AGAP1: variants seen among roughly 807,000 people sequenced by gnomAD.
AGAP1 encodes the protein arf-GAP with GTPase, ANK repeat and PH domain-containing protein 1.
A neutral mutation model predicts 105.3 loss-of-function variants in AGAP1; 29 were observed. The observed-to-expected ratio is 0.28, with a 90% confidence interval of 0.21 to 0.38. The LOEUF is 0.38. AGAP1 is among the 10% of genes least tolerant of loss of function. The pLI is 1.00. For synonymous variants in AGAP1, 509 were observed against 485.9 expected (o/e 1.05, Z -0.63); for missense variants, 998 against 1,165.1 (o/e 0.86, Z 2.09).
chr2:235,780,656 G>T (rs1956207059), intron 6 of AGAP1, among the ~76,000 whole-genome samples: 1 of 152,238 alleles, frequency 6.6e-6, no homozygotes, highest in African/African-American at 2.4e-5. Context: ...TGATTGATAG[G>T]ATTACTGCCT....
In AGAP1 at chr2:235,919,574, A is replaced by T. The variant is rs374666142; in HGVS notation, c.1324+10668A>T. On this transcript the variant is annotated intron_variant, in intron 11 of 17. Transcript: ENST00000304032. The surrounding 1 kb of genome is among the most constrained non-coding windows in gnomAD (Gnocchi z 4.1). ...TGTAAGAACTGGAAAGCAGAGAAAGAAGTAGTAGTGAATACTTCTCAGGAT... is the reference window on the plus strand; with the variant it reads ...TGTAAGAACTGGAAAGCAGAGAAAGTAGTAGTAGTGAATACTTCTCAGGAT... 2.0e-4 allele frequency among the ~76,000 whole-genome samples: 31 copies of T among 152,122 alleles called. No homozygotes were observed. The highest frequency in any genetic ancestry group is 7.0e-4 in the African/African-American group (29 of 41,422).
In AGAP1 at chr2:235,723,227, A is replaced by G. The variant is rs575670694; in HGVS notation, c.310+5583A>G. ...ATTAGTTATTTGCCAATTGAGCCCTATTAATGGCTGCTGATTAGAATCGTG... is the reference window on the plus strand; with the variant it reads ...ATTAGTTATTTGCCAATTGAGCCCTGTTAATGGCTGCTGATTAGAATCGTG... On this transcript the variant is annotated intron_variant, in intron 3 of 17. Coordinates refer to ENST00000304032, the MANE Select transcript of AGAP1 (RefSeq NM_001037131.3). The surrounding 1 kb of genome is among the most constrained non-coding windows in gnomAD (Gnocchi z 6.2). Among the ~76,000 whole-genome samples, 41 of 152,360 alleles carry G rather than the reference A, an allele frequency of 2.7e-4. No homozygotes were observed. Among genetic ancestry groups the G allele is most frequent in the African/African-American group, 9.1e-4 (38 of 41,594 alleles).
chr2:236,026,331 C>T (rs904133858), intron 13 of AGAP1, among the ~76,000 whole-genome samples: 10 of 152,322 alleles, frequency 6.6e-5, no homozygotes, highest in East Asian at 3.9e-4. Flanking sequence ...GCCAGACACC[C>T]GGCAGGTGGC....
chr2:235,681,078 G>A (rs976276863), intron 1 of AGAP1, among the ~76,000 whole-genome samples: 2 of 151,858 alleles, frequency 1.3e-5, no homozygotes, highest in South Asian at 2.1e-4. Context: ...GCGCCATCTC[G>A]GCTCACTGCA....
rs1952583678 is a variant in AGAP1, at chr2:235,741,521, C to T, written c.396+473C>T. 6.6e-6 allele frequency among the ~76,000 whole-genome samples: 1 copy of T among 152,166 alleles called. No individual in the cohort carries two copies. Among genetic ancestry groups the T allele is most frequent in the Non-Finnish European group, 1.5e-5 (1 of 68,030 alleles). ...TGTGCCGCCCTGGCCTTGGCCCAAG[C>T]AAGGCAGTCTCCACCGAAAGCCGGT... On this transcript the variant is annotated intron_variant, in intron 4 of 17. Transcript: ENST00000304032. This position sits in a 1 kb window ranked among gnomAD's most constrained non-coding sequence, Gnocchi z 4.9.
Position 235,590,715 on chromosome 2 carries a change from A to ATTT in AGAP1, c.163+95887_163+95889dup, listed in dbSNP as rs67076321. Among the ~76,000 whole-genome samples the ATTT allele has an allele frequency of 1.2e-3, 63 of 53,696 alleles. 5 individuals are homozygous for ATTT. Among genetic ancestry groups the ATTT allele is most frequent in the East Asian group, 0.01 (17 of 1,700 alleles). 35.2% of individuals were successfully genotyped at this position (53,696 alleles called of 152,430 possible). A position where few individuals can be genotyped will look rare whatever the true frequency, so the allele number is the denominator to read the frequency against. On this transcript the variant is annotated intron_variant, in intron 1 of 17. Transcript: ENST00000304032. ...TGCGTGTGTGTGTGTGTGTGTGTGC[A>ATTT]TTTTTTTTTTTTTTTTTTTTTTTGA... is the stretch of plus-strand genomic sequence containing the variant.
intron 9 of AGAP1, among the ~76,000 whole-genome samples, chr2:235,863,611 G>A (rs1250135465): frequency 6.6e-6 from 1 of 152,212 alleles, no homozygotes; most frequent in African/African-American, 2.4e-5. Flanking sequence ...TGGGGTTAGG[G>A]AGGCAGTGTG....
chr2:235,995,276 G>A (rs1388755298), intron 13 of AGAP1, among the ~76,000 whole-genome samples: 1 of 151,788 alleles, frequency 6.6e-6, no homozygotes, highest in Non-Finnish European at 1.5e-5. Flanking sequence ...ACACTTTGGG[G>A]AGCCGAGGTG....
In AGAP1 at chr2:235,552,980, A is replaced by G. The variant is rs1168403562; in HGVS notation, c.163+58131A>G. Among the ~76,000 whole-genome samples the G allele has an allele frequency of 6.6e-6, 1 of 152,182 alleles. No individual in the cohort carries two copies. Among genetic ancestry groups the G allele is most frequent in the Non-Finnish European group, 1.5e-5 (1 of 68,026 alleles). On this transcript the variant is annotated intron_variant, in intron 1 of 17. Transcript: ENST00000304032. The surrounding 1 kb of genome is among the most constrained non-coding windows in gnomAD (Gnocchi z 5.9). The stretch of plus-strand genomic sequence containing the variant: ...ATCTGATTGTGTGTGTGACACAGTG[A>G]AGGGTATGGGGACAGCCACATCTGG...
Position 235,689,722 on chromosome 2 carries a change from T to C in AGAP1, c.164-19457T>C, listed in dbSNP as rs1247221900. On this transcript the variant is annotated intron_variant, in intron 1 of 17. Transcript: ENST00000304032. The surrounding 1 kb of genome is among the most constrained non-coding windows in gnomAD (Gnocchi z 4.2). Reference sequence around the variant, plus strand: ...AGAGTTCCACTTTTCAGGACAGTCATAGAGCTGCACTGTTGGTAAACTGTC... The same window carrying C: ...AGAGTTCCACTTTTCAGGACAGTCACAGAGCTGCACTGTTGGTAAACTGTC... Among the ~76,000 whole-genome samples, 1 of 152,222 alleles carries C rather than the reference T, an allele frequency of 6.6e-6. No individual in the cohort carries two copies. Among genetic ancestry groups the C allele is most frequent in the Non-Finnish European group, 1.5e-5 (1 of 68,042 alleles).
chr2:235,848,561 T>A (rs1005601055), intron 9 of AGAP1, among the ~76,000 whole-genome samples: 8 of 152,252 alleles, frequency 5.3e-5, no homozygotes, highest in African/African-American at 1.9e-4. Context: ...TTGATTGTGA[T>A]GTCCATGGTG....
intron 11 of AGAP1, among the ~76,000 whole-genome samples, chr2:235,924,417 T>A (rs752217931): frequency 1.3e-5 from 2 of 152,130 alleles, no homozygotes; most frequent in Non-Finnish European, 2.9e-5. Flanking sequence ...GTAGGTTCCC[T>A]AAGACAGGGA....
rs1295878687 is a variant in AGAP1, at chr2:235,864,994, A to G, written c.1051-18351A>G. Among the ~76,000 whole-genome samples the G allele has an allele frequency of 1.3e-5, 2 of 152,110 alleles. No homozygotes were observed. Among genetic ancestry groups the G allele is most frequent in the East Asian group, 1.9e-4 (1 of 5,178 alleles). On this transcript the variant is annotated intron_variant, in intron 9 of 17. Coordinates refer to ENST00000304032, the MANE Select transcript of AGAP1 (RefSeq NM_001037131.3). The surrounding 1 kb of genome is among the most constrained non-coding windows in gnomAD (Gnocchi z 5.0). Reference sequence around the variant, plus strand: ...AAAAGGGAAGGAGAGAAACACAACAAACTTTTTATTTCTTTCCCTGTCATT... The same window carrying G: ...AAAAGGGAAGGAGAGAAACACAACAGACTTTTTATTTCTTTCCCTGTCATT...
In AGAP1 at chr2:235,959,481, G is replaced by A. The variant is rs946523701; in HGVS notation, c.1484-8981G>A. Among the ~76,000 whole-genome samples the A allele has an allele frequency of 4.6e-5, 7 of 152,142 alleles. No homozygotes were observed. The highest frequency in any genetic ancestry group is 1.2e-4 in the African/African-American group (5 of 41,520). ...CAGGGGCATTCATATTCCCGTGGCC[G>A]AGCTCAGCGCCCAGTGGACGGGAAC... On this transcript the variant is annotated intron_variant, in intron 12 of 17. Transcript: ENST00000304032. The surrounding 1 kb of genome is among the most constrained non-coding windows in gnomAD (Gnocchi z 7.3).
In AGAP1 at chr2:235,901,387, A is replaced by G. The variant is rs2051056987; in HGVS notation, c.1156-7351A>G. On this transcript the variant is annotated intron_variant, in intron 10 of 17. Coordinates refer to ENST00000304032, the MANE Select transcript of AGAP1 (RefSeq NM_001037131.3). This position sits in a 1 kb window ranked among gnomAD's most constrained non-coding sequence, Gnocchi z 4.3. ...TCATGAAGTGCAGTGAAAATAGGGA[A>G]TAATGAGTCATTCTTTTCCTCCAGG... Among the ~76,000 whole-genome samples, 1 of 152,174 alleles carries G rather than the reference A, an allele frequency of 6.6e-6. No individual in the cohort carries two copies. The highest frequency in any genetic ancestry group is 1.5e-5 in the Non-Finnish European group (1 of 68,022).
rs1227039612 is a variant in AGAP1 at position 235,577,915 on chromosome 2, G to A, written c.163+83066G>A. On this transcript the variant is annotated intron_variant, in intron 1 of 17. Coordinates refer to ENST00000304032, the MANE Select transcript of AGAP1 (RefSeq NM_001037131.3). The surrounding 1 kb of genome is among the most constrained non-coding windows in gnomAD (Gnocchi z 4.5). Reference sequence around the variant, plus strand: ...AAACACTGAGCCTGGTCTGAGCGGGGCTGTTTGTTGAGGCTCCTGATGCAG... The same window carrying A: ...AAACACTGAGCCTGGTCTGAGCGGGACTGTTTGTTGAGGCTCCTGATGCAG... 6.6e-6 allele frequency among the ~76,000 whole-genome samples: 1 copy of A among 152,072 alleles called. No homozygotes were observed.
intron 1 of AGAP1, among the ~76,000 whole-genome samples, chr2:235,628,402 G>C (rs1433323796): frequency 1.3e-5 from 2 of 152,156 alleles, no homozygotes; most frequent in African/African-American, 4.8e-5. Flanking sequence ...ACCTAGCAGG[G>C]ATCCAGGGAC....
At chr2:236,081,314 A>G (rs1002117503) in intron 16 of AGAP1, among the ~76,000 whole-genome samples, 1 of 152,106 alleles carries the variant, frequency 6.6e-6, no homozygotes, top group African/African-American at 2.4e-5. Flanking sequence ...AAAAATAAAA[A>G]GAGAGTAACT....
intron 2 of AGAP1, among the ~76,000 whole-genome samples, chr2:235,709,670 G>T (rs1384420980): frequency 2.6e-5 from 4 of 152,068 alleles, no homozygotes; most frequent in Non-Finnish European, 4.4e-5. Context: ...ACCAAGCTTT[G>T]GTATCCATCA....
Sources: gnomAD v4.1 joint callset for allele counts (sites outside exome capture counted in the v4.1 genomes callset) on GRCh38, gnomAD v4.1.1 for gene constraint, Gnocchi (gnomAD v3.1) non-coding constraint, MANE v1.5 for transcripts, NCBI Gene and HGNC (gene_info 2026-07-23, HGNC 2026-07-21) for gene names.